Variants in TIMELESS observed in about 807,000 individuals in gnomAD.
TIMELESS encodes protein timeless homolog.
In TIMELESS, 124 loss-of-function variants were observed where a neutral mutation model predicts 164.3. The ratio of observed to expected loss-of-function variants is 0.75; its 90% CI spans 0.65 to 0.88. The LOEUF (loss-of-function observed/expected upper bound fraction) is 0.88, where lower values mean the gene tolerates loss of function less well. Ranked by LOEUF, TIMELESS falls within the 40% of genes least tolerant of loss-of-function variation. TIMELESS has a pLI of 0.00. For missense variants in TIMELESS, 1,422 were observed against 1,491.4 expected, an observed-to-expected ratio of 0.95 and a Z score of 0.77; for synonymous variants, 564 against 563.4, an observed-to-expected ratio of 1.00 and a Z score of -0.02.
intron 10 of TIMELESS, 41 bp from the exon 11 acceptor site, chr12:56,429,141 AG>A: frequency 1.3e-6 from 2 of 1,539,154 alleles, no homozygotes; most frequent in Non-Finnish European, 1.8e-6. Flanking sequence ...CCATGACTCC[AG>A]GGCTTCCAAC....
At position 56,428,949 on chromosome 12, in the gene TIMELESS, T is replaced by G; in HGVS notation, c.1238A>C (p.Gln413Pro). The G allele has an allele frequency of 1.9e-6, 3 of 1,614,188 alleles. No homozygotes were observed. Among genetic ancestry groups the G allele is most frequent in the Non-Finnish European group, 1.7e-6 (2 of 1,180,042 alleles). Residue 413 changes from glutamine (Q) to proline (P), a missense_variant, in exon 11 of 29, where the codon CAG (glutamine) becomes CCG (proline). Transcript: ENST00000553532. ...CATCTCATAGTAGTTGGTGAGGTTCTGCTCAATGAAGTGGAAGGTACGGAC... is the reference window on the plus strand; with the variant it reads ...CATCTCATAGTAGTTGGTGAGGTTCGGCTCAATGAAGTGGAAGGTACGGAC... ...LSVRTFHFIEQNLTNYYEMML... is the reference protein window; with the variant it reads ...LSVRTFHFIEPNLTNYYEMML...
chr12:56,424,505 C>T (rs1881607358), intron 15 of TIMELESS, among the ~76,000 whole-genome samples: 1 of 152,134 alleles, frequency 6.6e-6, no homozygotes, highest in Non-Finnish European at 1.5e-5. Flanking sequence ...CTCAAAGCTG[C>T]AATTACCAAG....
In TIMELESS at chr12:56,433,930, C is replaced by T; in HGVS notation, c.98-4G>A. ...CGGATCAGATCCTTCACGCTCTCTT[C>T]AGAGACAGAACAAAACATGCATGTG... On this transcript the variant is annotated splice_region_variant and splice_polypyrimidine_tract_variant and intron_variant, in intron 2 of 28. Coordinates refer to ENST00000553532, the MANE Select transcript of TIMELESS (RefSeq NM_003920.5). The T allele has an allele frequency of 6.2e-7, 1 of 1,614,076 alleles. No homozygotes were observed. The highest frequency in any genetic ancestry group is 8.5e-7 in the Non-Finnish European group (1 of 1,179,938).
chr12:56,423,608 A>C lies in TIMELESS; in HGVS notation c.2066T>G (p.Phe689Cys), dbSNP rs1328161088. The change falls in exon 17 of 29, where the codon TTT (phenylalanine) becomes TGT (cysteine). Residue 689 changes from phenylalanine to cysteine, a missense_variant. Transcript: ENST00000553532. ...LQVVQVSEKE[F>C]NFLDYLKRFA... The stretch of plus-strand genomic sequence containing the variant: ...CCGTTTCAGGTAGTCCAGAAAATTA[A>C]ATTCTTTCTCCGACACCTGGACCAC... 1 of 1,613,972 alleles carries C rather than the reference A, an allele frequency of 6.2e-7. No homozygotes were observed. Among genetic ancestry groups the C allele is most frequent in the Non-Finnish European group, 8.5e-7 (1 of 1,179,986 alleles).
At position 56,433,757 on chromosome 12, in the gene TIMELESS, A is replaced by C; in HGVS notation, c.251+16T>G. 1 of 1,613,994 alleles carries C rather than the reference A, an allele frequency of 6.2e-7. No individual in the cohort carries two copies. The highest frequency in any genetic ancestry group is 8.5e-7 in the Non-Finnish European group (1 of 1,179,890). On this transcript the variant is annotated intron_variant, in intron 3 of 28. Transcript: ENST00000553532. ...AGCCTGGCAGGTGGCAAAAGTTTAA[A>C]AGCTAGGGAGGCAACCTGATAACAG...
intron 1 of TIMELESS, among the ~76,000 whole-genome samples, chr12:56,439,460 A>G (rs1868248678): frequency 6.6e-6 from 1 of 151,490 alleles, no homozygotes; most frequent in Non-Finnish European, 1.5e-5. Flanking sequence ...GTACAGATCA[A>G]TCATGACTCG....
chr12:56,444,574 G>A (rs1453821270), intron 1 of TIMELESS, among the ~76,000 whole-genome samples: 1 of 151,636 alleles, frequency 6.6e-6, no homozygotes, highest in Non-Finnish European at 1.5e-5. Context: ...TTCTTTTGAG[G>A]CAGTATCTCA....
At chr12:56,436,592 G>A (rs1269850561) in intron 1 of TIMELESS, among the ~76,000 whole-genome samples, 1 of 152,204 alleles carries the variant, frequency 6.6e-6, no homozygotes, top group Non-Finnish European at 1.5e-5. Context: ...ATGAGAGCAA[G>A]CCATAACATA....
At chr12:56,438,703 G>A (rs1275451452) in intron 1 of TIMELESS, among the ~76,000 whole-genome samples, 3 of 149,802 alleles carry the variant, frequency 2.0e-5, no homozygotes, top group African/African-American at 7.4e-5. Flanking sequence ...ACTTGAGCCT[G>A]GGAGGTGGAG....
chr12:56,428,488 G>A, intron 12 of TIMELESS, 61 bp downstream of exon 12: 1 of 1,608,712 alleles, frequency 6.2e-7, no homozygotes, highest in Non-Finnish European at 8.5e-7. Flanking sequence ...GGACTGGGAA[G>A]AATGAGATTC....
intron 13 of TIMELESS, among the ~76,000 whole-genome samples, chr12:56,426,709 A>G (rs530377938): frequency 3.4e-4 from 52 of 151,912 alleles, no homozygotes; most frequent in Non-Finnish European, 6.9e-4. Flanking sequence ...ACAGGTGCGC[A>G]TGACCATGCC....
intron 1 of TIMELESS, among the ~76,000 whole-genome samples, chr12:56,449,058 C>T (rs1868464850): frequency 6.6e-6 from 1 of 152,250 alleles, no homozygotes; most frequent in Admixed American, 6.5e-5. Flanking sequence ...ATCACAACCC[C>T]ATCCCGCGGG....
intron 1 of TIMELESS, among the ~76,000 whole-genome samples, chr12:56,444,640 A>G (rs778749301): frequency 9.9e-5 from 15 of 151,598 alleles, no homozygotes; most frequent in Non-Finnish European, 1.9e-4. Flanking sequence ...TCAAGCCCCC[A>G]GGCTCAAGCT....
At chr12:56,445,278 A>T (rs906773992) in intron 1 of TIMELESS, among the ~76,000 whole-genome samples, 11 of 150,836 alleles carry the variant, frequency 7.3e-5, no homozygotes. Flanking sequence ...ATACAAAATT[A>T]GCTGGGTGTG....
intron 1 of TIMELESS, among the ~76,000 whole-genome samples, chr12:56,442,038 C>T (rs370675712): frequency 6.9e-5 from 9 of 131,056 alleles, no homozygotes; most frequent in African/African-American, 2.6e-4. Flanking sequence ...GAGTTGAGAT[C>T]GTGCCACTGC....
intron 1 of TIMELESS, among the ~76,000 whole-genome samples, chr12:56,436,767 A>C (rs1882083871): frequency 6.6e-6 from 1 of 152,170 alleles, no homozygotes; most frequent in Non-Finnish European, 1.5e-5. Context: ...ATGTCATCAT[A>C]TATTAGTGTT....
chr12:56,448,453 G>A (rs973066107), intron 1 of TIMELESS, among the ~76,000 whole-genome samples: 2 of 151,306 alleles, frequency 1.3e-5, no homozygotes, highest in Admixed American at 6.6e-5. Flanking sequence ...CAGGCCAGGC[G>A]CGGTGGCTCA....
At chr12:56,439,230 T>C (rs918490820) in intron 1 of TIMELESS, among the ~76,000 whole-genome samples, 9 of 146,646 alleles carry the variant, frequency 6.1e-5, no homozygotes, top group Non-Finnish European at 1.2e-4. Context: ...TATTGTATGA[T>C]GGAATTTATA....
intron 26 of TIMELESS, among the ~76,000 whole-genome samples, chr12:56,418,804 C>T (rs781533544): frequency 2.0e-4 from 30 of 151,786 alleles, no homozygotes; most frequent in Admixed American, 1.2e-3. Context: ...CAGTCTCAAA[C>T]GATCCTCCCA....
Sources: allele counts gnomAD v4.1 joint callset (sites outside exome capture counted in the v4.1 genomes callset), GRCh38; gene constraint gnomAD v4.1.1; transcripts MANE v1.5; gene names NCBI Gene and HGNC (gene_info 2026-07-23, HGNC 2026-07-21).